CADPS: variants seen among roughly 807,000 people sequenced by gnomAD.
CADPS encodes calcium-dependent secretion activator 1.
A neutral mutation model predicts 167.3 loss-of-function variants in CADPS; 57 were observed. The ratio of observed to expected loss-of-function variants is 0.34; its 90% confidence interval spans 0.28 to 0.42. CADPS has a LOEUF of 0.42. CADPS is among the 20% of genes least tolerant of loss of function. The probability of loss-of-function intolerance (pLI) is 1.00; values close to 1 mark genes in which losing one functional copy is unlikely to be tolerated. For synonymous variants in CADPS, 676 were observed against 635.3 expected (o/e 1.06, Z -0.96); for missense variants, 1,414 against 1,738.1 (o/e 0.81, Z 3.32).
intron 7 of CADPS, among the ~76,000 whole-genome samples, chr3:62,585,947 C>A (rs1481033573): frequency 6.6e-6 from 1 of 152,226 alleles, no homozygotes; most frequent in African/African-American, 2.4e-5. Flanking sequence ...AGGACCATTT[C>A]TTAGGAAATG....
chr3:62,536,389 T>G (rs1461586077), intron 12 of CADPS, 56 bp downstream of exon 12: 1 of 1,490,080 alleles, frequency 6.7e-7, no homozygotes, highest in Admixed American at 1.8e-5. Flanking sequence ...TAGAGAAATA[T>G]TTAAATGAAA....
intron 3 of CADPS, among the ~76,000 whole-genome samples, chr3:62,716,762 T>G (rs1012773523): frequency 6.6e-6 from 1 of 152,226 alleles, no homozygotes; most frequent in Non-Finnish European, 1.5e-5. Context: ...ACGCCTATCA[T>G]GTAGTTTGAC....
At chr3:62,756,454 T>C (rs900888809) in intron 2 of CADPS, among the ~76,000 whole-genome samples, 27 of 152,218 alleles carry the variant, frequency 1.8e-4, no homozygotes, top group Admixed American at 7.2e-4. Context: ...TATAAACTTT[T>C]CCATGAACCC....
intron 11 of CADPS, among the ~76,000 whole-genome samples, chr3:62,536,986 C>T (rs1426499086): frequency 2.6e-5 from 4 of 152,084 alleles, no homozygotes; most frequent in African/African-American, 7.2e-5. Flanking sequence ...ATGTCTACAG[C>T]AATTTCTCTG....
At chr3:62,452,397 G>A (rs1403874135) in intron 26 of CADPS, among the ~76,000 whole-genome samples, 1 of 152,150 alleles carries the variant, frequency 6.6e-6, no homozygotes, top group Non-Finnish European at 1.5e-5. Context: ...GCAGTTGAGA[G>A]TACTTGAGAG....
chr3:62,827,728 A>G (rs1198763714), intron 1 of CADPS, among the ~76,000 whole-genome samples: 1 of 152,154 alleles, frequency 6.6e-6, no homozygotes, highest in Non-Finnish European at 1.5e-5. Flanking sequence ...CAAAACAACC[A>G]TCTTGTTACA....
intron 23 of CADPS, among the ~76,000 whole-genome samples, chr3:62,475,594 A>AC (rs1560909418): frequency 8.0e-4 from 114 of 143,014 alleles, no homozygotes; most frequent in African/African-American, 2.9e-3. Context: ...GAAAAAAAAA[A>AC]AAAAAAAAAA....
At chr3:62,855,656 T>C (rs1332177422) in intron 1 of CADPS, among the ~76,000 whole-genome samples, 2 of 152,188 alleles carry the variant, frequency 1.3e-5, no homozygotes, top group African/African-American at 4.8e-5. Context: ...TCACAAAACG[T>C]AAGTTGTCAA....
At chr3:62,460,193 T>G (rs1002281444) in intron 26 of CADPS, among the ~76,000 whole-genome samples, 1 of 152,330 alleles carries the variant, frequency 6.6e-6, no homozygotes, top group Admixed American at 6.5e-5. Context: ...CATAGACTGA[T>G]TGTGAGGATC....
chr3:62,861,680 T>C (rs1487740952), intron 1 of CADPS, among the ~76,000 whole-genome samples: 1 of 152,234 alleles, frequency 6.6e-6, no homozygotes, highest in Non-Finnish European at 1.5e-5. Context: ...GGTCATGTCG[T>C]TGTCCTGCTC....
chr3:62,482,038 G>A (rs185991199), intron 21 of CADPS, among the ~76,000 whole-genome samples, 169 bp from the exon 22 acceptor site: 82 of 152,354 alleles, frequency 5.4e-4, no homozygotes, highest in African/African-American at 1.7e-3. Flanking sequence ...CTGTGGTGTG[G>A]CTCTGTATCC....
At chr3:62,496,789 T>C (rs990768933) in intron 18 of CADPS, among the ~76,000 whole-genome samples, 2 of 152,236 alleles carry the variant, frequency 1.3e-5, no homozygotes, top group South Asian at 2.1e-4. Context: ...GGCTGTCCTA[T>C]GCCTAGTTGT....
intron 1 of CADPS, among the ~76,000 whole-genome samples, chr3:62,817,270 A>C (rs547655699): frequency 6.6e-6 from 1 of 152,120 alleles, no homozygotes. Context: ...GGTCAGATAC[A>C]CAGTATTGAG....
At chr3:62,511,830 A>G (rs949672641) in intron 17 of CADPS, among the ~76,000 whole-genome samples, 1 of 152,098 alleles carries the variant, frequency 6.6e-6, no homozygotes, top group Non-Finnish European at 1.5e-5. Context: ...TCTTGTTTAC[A>G]TAGTCTCTGG....
chr3:62,850,434 C>A (rs1248763320), intron 1 of CADPS, among the ~76,000 whole-genome samples: 6 of 105,300 alleles, frequency 5.7e-5, no homozygotes, highest in Non-Finnish European at 1.2e-4. Context: ...TCCCTCTACA[C>A]ACTGCTTTGA....
At chr3:62,492,692 C>G (rs573206169) in intron 19 of CADPS, among the ~76,000 whole-genome samples, 19 of 152,124 alleles carry the variant, frequency 1.2e-4, no homozygotes, top group Non-Finnish European at 2.6e-4. Context: ...GAGGATGCTG[C>G]AGTAGAAATG....
At chr3:62,480,581 C>T (rs1401225587) in intron 22 of CADPS, among the ~76,000 whole-genome samples, 1 of 152,162 alleles carries the variant, frequency 6.6e-6, no homozygotes, top group Non-Finnish European at 1.5e-5. Flanking sequence ...GTCTGTCCTC[C>T]ACCTGGATTA....
intron 1 of CADPS, among the ~76,000 whole-genome samples, chr3:62,780,368 T>C (rs553866830): frequency 2.0e-4 from 30 of 152,144 alleles, no homozygotes; most frequent in African/African-American, 7.0e-4. Context: ...CAGTGACCTA[T>C]GACAGCACCA....
At chr3:62,590,519 G>GT (rs1252246883) in intron 7 of CADPS, among the ~76,000 whole-genome samples, 2 of 151,978 alleles carry the variant, frequency 1.3e-5, no homozygotes, top group East Asian at 1.9e-4. Context: ...TAGGGACACT[G>GT]TTTTTTTGTT....
Sources: allele counts gnomAD v4.1 joint callset (sites outside exome capture counted in the v4.1 genomes callset), GRCh38; gene constraint gnomAD v4.1.1; transcripts MANE v1.5; gene names NCBI Gene and HGNC (gene_info 2026-07-23, HGNC 2026-07-21).